The following DENND1C variants were observed in gnomAD, a reference collection of about 807,000 sequenced individuals.
DENND1C encodes the protein DENN domain containing 1C, also known as DENN domain-containing protein 1C.
DENND1C carries 64 observed loss-of-function variants against 87.9 expected under a neutral mutation model. The ratio of observed to expected loss-of-function variants is 0.73; its 90% CI spans 0.60 to 0.90. The LOEUF (loss-of-function observed/expected upper bound fraction) is 0.90. DENND1C is among the 40% of genes least tolerant of loss of function. The pLI is 0.00. For synonymous variants in DENND1C, 384 were observed against 424.4 expected (o/e 0.90, Z 1.17); for missense variants, 980 against 1,037.0 (o/e 0.95, Z 0.76).
At position 6,475,137 on chromosome 19, in the gene DENND1C, T is replaced by A. The variant is rs1449652407; in HGVS notation, c.1053+137A>T. Reference sequence around the variant, plus strand: ...GTCTTGAACTTCTGGGCTCAAGCAATTCTCCCATCTCGGCATCCCAAAGTG... The same window carrying A: ...GTCTTGAACTTCTGGGCTCAAGCAAATCTCCCATCTCGGCATCCCAAAGTG... On this transcript the variant is annotated intron_variant, in intron 14 of 22. Transcript: ENST00000381480. 5 of 1,396,528 alleles carry A rather than the reference T, an allele frequency of 3.6e-6. No homozygotes were observed. The East Asian group carries it at 1.2e-4, about 34-fold the overall frequency. The allele number at this position is 1,396,528 out of a possible 1,614,324, so 86.5% of individuals were successfully genotyped here. A position where few individuals can be genotyped will look rare whatever the true frequency, so the allele number is the denominator to read the frequency against.
At position 6,470,362 on chromosome 19, in the gene DENND1C, C is replaced by T. The variant is rs1231986466; in HGVS notation, c.1295G>A (p.Gly432Asp). Residue 432 changes from glycine (G) to aspartate (D), a missense_variant, in exon 18 of 23, where the codon GGT becomes GAT. Transcript: ENST00000381480. ...GACTGAGTGCAGGAGGGCGCCACCA[C>T]CTTTCTGCGGGAGAGAAGATACCAA... ...YQLWADNLKK[G>D]GGALLHSVKA... is the part of the protein sequence containing the mutation. The T allele has an allele frequency of 1.9e-6, 3 of 1,612,632 alleles. No homozygotes were observed. In the Admixed American group the frequency reaches 5.0e-5, roughly 27 times the overall value.
At chr19:6,473,628 G>A (rs907970992) in intron 14 of DENND1C, among the ~76,000 whole-genome samples, 7 of 150,684 alleles carry the variant, frequency 4.6e-5, no homozygotes, top group Non-Finnish European at 8.8e-5. Context: ...ACGCCACTGC[G>A]CCCAGCTAAT....
At chr19:6,481,057 A>AC (rs966486457) in intron 1 of DENND1C, among the ~76,000 whole-genome samples, 14 of 151,444 alleles carry the variant, frequency 9.2e-5, no homozygotes, top group African/African-American at 3.4e-4. Context: ...ACCCCATAGA[A>AC]CCCTCGTGGC....
At chr19:6,479,116 G>A (rs73549060) in intron 4 of DENND1C, 60 bp from the exon 5 acceptor site, 13 of 1,603,330 alleles carry the variant, frequency 8.1e-6, no homozygotes, top group African/African-American at 6.7e-5. Context: ...GGATGTCCCC[G>A]CTCCCCAACA....
Position 6,478,269 on chromosome 19 carries a change from G to T in DENND1C, c.366+514C>A, listed in dbSNP as rs544450649. 1.3e-3 allele frequency among the ~76,000 whole-genome samples: 193 copies of T among 152,206 alleles called. 1 individual carries two copies. The highest frequency in any genetic ancestry group is 4.2e-3 in the African/African-American group (173 of 41,544). On this transcript the variant is annotated intron_variant, in intron 6 of 22. Transcript: ENST00000381480. ...TTTTATTTTTATTTTTTGAGACGGA[G>T]TTTCGCTCCTGTTGCCCAAGCTGGA...
At position 6,476,846 on chromosome 19, in the gene DENND1C, C is replaced by T. The variant is rs748898676; in HGVS notation, c.678+11G>A. The T allele has an allele frequency of 1.2e-6, 2 of 1,607,760 alleles. No individual in the cohort carries two copies. The highest frequency in any genetic ancestry group is 4.5e-5 in the East Asian group (2 of 44,838). On this transcript the variant is annotated intron_variant, in intron 10 of 22. Coordinates refer to ENST00000381480, the MANE Select transcript of DENND1C (RefSeq NM_024898.4). The stretch of plus-strand genomic sequence containing the variant: ...CCTGCTCCCACCCCGGCCCGGCGGA[C>T]CCCGCCTCACGGTGCTGAGTTTGCT...
In DENND1C at chr19:6,468,905, G is replaced by C; in HGVS notation, c.1456C>G (p.Leu486Val). Residue 486 changes from leucine (L) to valine (V), a missense_variant, in exon 20 of 23, where the codon CTC becomes GTC. By Grantham distance (32) the Leu-to-Val change is conservative (BLOSUM62 1). Coordinates refer to ENST00000381480, the MANE Select transcript of DENND1C (RefSeq NM_024898.4). ...QRGGSLRAPA[L>V]PSRSDRLQQR... ...TGCAGGCGGTCTGAGCGGCTGGGGA[G>C]GGCTGGGGCCCTCAGAGAGCCCCCC... 1 of 1,488,142 alleles carries C rather than the reference G, an allele frequency of 6.7e-7. No homozygotes were observed. Among genetic ancestry groups the C allele is most frequent in the Non-Finnish European group, 8.9e-7 (1 of 1,124,334 alleles). The allele number at this position is 1,488,142 out of a possible 1,614,324, so 92.2% of individuals were successfully genotyped here. A position where few individuals can be genotyped will look rare whatever the true frequency, so the allele number is the denominator to read the frequency against.
Position 6,471,725 on chromosome 19 carries a change from C to G in DENND1C, c.1159-229G>C, listed in dbSNP as rs993346587. On this transcript the variant is annotated intron_variant, in intron 15 of 22. Transcript: ENST00000381480. Reference sequence around the variant, plus strand: ...TGGCGTGATCTCGGCTCGCTGCAACCTCCGCTTCCCGGGTTTAAGTGATTC... The same window carrying G: ...TGGCGTGATCTCGGCTCGCTGCAACGTCCGCTTCCCGGGTTTAAGTGATTC... Among the ~76,000 whole-genome samples the G allele has an allele frequency of 1.9e-4, 29 of 152,130 alleles. 1 individual carries two copies. The highest frequency in any genetic ancestry group is 3.5e-4 in the Non-Finnish European group (24 of 68,024).
intron 14 of DENND1C, among the ~76,000 whole-genome samples, chr19:6,473,730 A>G (rs1472911111): frequency 6.7e-6 from 1 of 149,174 alleles, no homozygotes; most frequent in Non-Finnish European, 1.5e-5. Context: ...TTGGCCTCTC[A>G]AAAGTGTGAG....
chr19:6,469,515 C>A, intron 19 of DENND1C, 81 bp downstream of exon 19: 1 of 1,426,926 alleles, frequency 7.0e-7, no homozygotes. Flanking sequence ...AACTCCTGGG[C>A]TCAAGCAATC....
At chr19:6,480,661 A>G (rs1599394876) in intron 1 of DENND1C, 1 of 220,492 alleles carries the variant, frequency 4.5e-6, no homozygotes, top group East Asian at 1.9e-4. Context: ...GCTGGAGTAC[A>G]GTGGCACGAT....
Position 6,477,383 on chromosome 19 carries a change from C to G in DENND1C, c.442G>C (p.Glu148Gln). 1 of 1,613,466 alleles carries G rather than the reference C, an allele frequency of 6.2e-7. No homozygotes were observed. Among genetic ancestry groups the G allele is most frequent in the East Asian group, 2.2e-5 (1 of 44,832 alleles). Residue 148 changes from glutamate to glutamine, a missense_variant, in exon 7 of 23, where the codon GAG becomes CAG. Glu to Gln is a conservative substitution (Grantham distance 29). Transcript: ENST00000381480. ...LSGPQASVGL[E>Q]LGSGVTVSSG... ...AGGGAATGGGAGCTACTCACCAGCT[C>G]AAGCCCCACTGAGGCCTGGGGCCCA...
At chr19:6,479,807 C>T in intron 3 of DENND1C, 52 bp downstream of exon 3, 1 of 1,613,776 alleles carries the variant, frequency 6.2e-7, no homozygotes, top group Non-Finnish European at 8.5e-7. Flanking sequence ...AAGTCCCCTC[C>T]CCCTGGGAGA....
intron 17 of DENND1C, 137 bp downstream of exon 17, chr19:6,471,128 T>C: frequency 8.2e-7 from 1 of 1,212,302 alleles, no homozygotes; most frequent in Non-Finnish European, 1.2e-6. Flanking sequence ...TTTTTTTCAG[T>C]AGAGATGGGG....
intron 1 of DENND1C, chr19:6,480,381 T>C (rs348393): frequency 1 from 1,247,011 of 1,247,382 alleles, 623,325 homozygotes; most frequent in Middle Eastern, 1. Context: ...TGAGACTGTC[T>C]CCTATATCTG....
At chr19:6,478,676 A>T in intron 6 of DENND1C, 107 bp downstream of exon 6, 1 of 1,320,396 alleles carries the variant, frequency 7.6e-7, no homozygotes, top group Non-Finnish European at 1.1e-6. Context: ...TACAGGTGTG[A>T]CACAGTGTGC....
In DENND1C at chr19:6,480,070, G is replaced by T. The variant is rs1225295030; in HGVS notation, c.18-19C>A. ...GCCCCCTCTGTGGGATGCAGAAGGG[G>T]TCCAGAGACTTGCTTCTATGCATGT... On this transcript the variant is annotated intron_variant, in intron 1 of 22. Coordinates refer to ENST00000381480, the MANE Select transcript of DENND1C (RefSeq NM_024898.4). The T allele has an allele frequency of 6.3e-7, 1 of 1,598,820 alleles. No homozygotes were observed. The highest frequency in any genetic ancestry group is 2.3e-5 in the East Asian group (1 of 44,316).
rs148755436 is a variant in DENND1C at position 6,478,965 on chromosome 19, C to G, written c.268G>C (p.Gly90Arg). ...AGGATGCAGAGACAGCTCTGGGTAC[C>G]CGCCCGCAGGCGGCAGAAACCAAAT... Reference protein sequence around the residue: ...RRFGFCRLRAGTQSCLCILSH... With the variant: ...RRFGFCRLRARTQSCLCILSH... Residue 90 changes from glycine (G) to arginine (R), a missense_variant, in exon 5 of 23, where the codon GGT becomes CGT. Transcript: ENST00000381480. The G allele has an allele frequency of 1.2e-3, 1,999 of 1,613,938 alleles. 25 individuals are homozygous for G. In the African/African-American group the frequency reaches 0.023, roughly 19 times the overall value.
Position 6,468,241 on chromosome 19 carries a change from AAGC to A in DENND1C, c.1781_1783del (p.Cys594del). The A allele has an allele frequency of 2.5e-6, 4 of 1,613,358 alleles. No individual in the cohort carries two copies. Among genetic ancestry groups the A allele is most frequent in the Non-Finnish European group, 2.5e-6 (3 of 1,179,586 alleles). ...AGTGGGCGAGGCTCTCACCAGGCTG[AAGC>A]AGCTGTCCAGGTCTCCTCTGTGACA... is the stretch of plus-strand genomic sequence containing the variant. On this transcript the variant is annotated inframe_deletion, in exon 22 of 23. Coordinates refer to ENST00000381480, the MANE Select transcript of DENND1C (RefSeq NM_024898.4).
Sources: gnomAD v4.1 joint callset for allele counts (sites outside exome capture counted in the v4.1 genomes callset) on GRCh38, gnomAD v4.1.1 for gene constraint, MANE v1.5 for transcripts, NCBI Gene and HGNC (gene_info 2026-07-23, HGNC 2026-07-21) for gene names.